Variants in TRIM42 observed in about 807,000 individuals in gnomAD.
TRIM42 encodes the protein tripartite motif containing 42.
Under a neutral mutation model 64.9 loss-of-function variants are expected in TRIM42, and 59 were observed. The ratio of observed to expected loss-of-function variants is 0.91; its 90% CI spans 0.74 to 1.13. The LOEUF is 1.13. Among genes scored for constraint, TRIM42 ranks in the 50% most tolerant of loss-of-function variants. TRIM42 has a pLI of 0.00. For missense variants in TRIM42, 878 were observed against 929.5 expected (o/e 0.94, Z 0.72); for synonymous variants, 354 against 346.3 (o/e 1.02, Z -0.25).
At position 140,680,084 on chromosome 3, in the gene TRIM42, G is replaced by A. The variant is rs185166464; in HGVS notation, c.341+1514G>A. ...CTGATTTTGGGAGACAGAGGGGGCTGTGCAGAGGAGCAGAGACAGGATATC... is the reference window on the plus strand; with the variant it reads ...CTGATTTTGGGAGACAGAGGGGGCTATGCAGAGGAGCAGAGACAGGATATC... On this transcript the variant is annotated intron_variant, in intron 1 of 4. Coordinates refer to ENST00000286349, the MANE Select transcript of TRIM42 (RefSeq NM_152616.5). Among the ~76,000 whole-genome samples, 345 of 152,262 alleles carry A rather than the reference G, an allele frequency of 2.3e-3. 1 individual carries two copies. Among genetic ancestry groups the A allele is most frequent in the Non-Finnish European group, 4.1e-3 (277 of 68,026 alleles).
chr3:140,688,023 G>T lies in TRIM42; in HGVS notation c.1341G>T (p.Lys447Asn). The T allele has an allele frequency of 6.2e-7, 1 of 1,614,210 alleles. No individual in the cohort carries two copies. The change falls in exon 3 of 5, where the codon AAG (lysine) becomes AAT (asparagine). Residue 447 changes from lysine to asparagine, a missense_variant. Transcript: ENST00000286349. ...TGQVAFLQSA[K>N]ILVDQIEDGI... ...AGGTGGCATTCCTGCAGTCAGCCAA[G>T]ATCCTGGTGGACCAGATCGAGGACG...
In TRIM42 at chr3:140,688,602, G is replaced by C; in HGVS notation, c.1860+60G>C. Reference sequence around the variant, plus strand: ...AGGGTGTGGGGCACAGAGTAGAAGTGAGTAGTCAGGAAAGGTTGCACTTAC... The same window carrying C: ...AGGGTGTGGGGCACAGAGTAGAAGTCAGTAGTCAGGAAAGGTTGCACTTAC... On this transcript the variant is annotated intron_variant, in intron 3 of 4. Transcript: ENST00000286349. The C allele has an allele frequency of 2.2e-6, 3 of 1,385,988 alleles. No individual in the cohort carries two copies. The South Asian group carries it at 4.1e-5, about 19-fold the overall frequency. The allele number at this position is 1,385,988 out of a possible 1,614,324, so 85.9% of individuals were successfully genotyped here. A position where few individuals can be genotyped will look rare whatever the true frequency, so the allele number is the denominator to read the frequency against.
At chr3:140,696,464 T>C (rs1332544189) in intron 4 of TRIM42, among the ~76,000 whole-genome samples, 1 of 152,230 alleles carries the variant, frequency 6.6e-6, no homozygotes, top group Non-Finnish European at 1.5e-5. Context: ...CCTCCAATAA[T>C]ACTGCAGTGA....
intron 3 of TRIM42, among the ~76,000 whole-genome samples, chr3:140,690,690 G>A (rs1398835731): frequency 6.6e-6 from 1 of 150,984 alleles, no homozygotes; most frequent in African/African-American, 2.4e-5. Flanking sequence ...CTATTTTTCG[G>A]TATTTTTCAA....
chr3:140,695,394 C>T (rs887824607), intron 4 of TRIM42, among the ~76,000 whole-genome samples: 3 of 152,130 alleles, frequency 2.0e-5, no homozygotes, highest in Admixed American at 6.5e-5. Flanking sequence ...AAGTGGATGT[C>T]CTAGGTTACA....
Position 140,691,072 on chromosome 3 carries a change from A to G in TRIM42, c.1965A>G (p.Gln655=), listed in dbSNP as rs1481148499. ...ACGTACAAATGGAGCTCTGTGGACAAATTCGGGACATAATGCAGCAAAATC... is the reference window on the plus strand; with the variant it reads ...ACGTACAAATGGAGCTCTGTGGACAGATTCGGGACATAATGCAGCAAAATC... ...PNNVQMELCG[Q]IRDIMQQNLE... is the part of the protein sequence containing the mutation. The change falls in exon 4 of 5, where the codon CAA becomes CAG. Residue 655 remains glutamine, a synonymous_variant. Coordinates refer to ENST00000286349, the MANE Select transcript of TRIM42 (RefSeq NM_152616.5). The G allele has an allele frequency of 1.9e-6, 3 of 1,614,144 alleles. No individual in the cohort carries two copies. The highest frequency in any genetic ancestry group is 2.5e-6 in the Non-Finnish European group (3 of 1,180,000).
intron 1 of TRIM42, among the ~76,000 whole-genome samples, chr3:140,679,538 C>T (rs975702837): frequency 6.6e-6 from 1 of 152,204 alleles, no homozygotes; most frequent in Non-Finnish European, 1.5e-5. Context: ...TTGGTGAATT[C>T]AGGGGAAAGA....
intron 2 of TRIM42, 75 bp from the exon 3 acceptor site, chr3:140,687,647 T>C (rs1445607980): frequency 9.1e-7 from 1 of 1,102,652 alleles, no homozygotes; most frequent in Non-Finnish European, 1.3e-6. Context: ...TAGGGTAATT[T>C]GTTCTAGTTT....
At chr3:140,688,602 G>T (rs951130320) in intron 3 of TRIM42, 60 bp downstream of exon 3, 18 of 1,385,870 alleles carry the variant, frequency 1.3e-5, no homozygotes, top group Non-Finnish European at 1.5e-5. Context: ...GAGTAGAAGT[G>T]AGTAGTCAGG....
intron 4 of TRIM42, among the ~76,000 whole-genome samples, chr3:140,699,453 G>C (rs1376508530): frequency 6.6e-6 from 1 of 152,172 alleles, no homozygotes; most frequent in Admixed American, 6.5e-5. Flanking sequence ...GCAGGGAAGA[G>C]ATGTCAACTA....
At chr3:140,679,761 A>G (rs1225480286) in intron 1 of TRIM42, among the ~76,000 whole-genome samples, 2 of 152,114 alleles carry the variant, frequency 1.3e-5, no homozygotes, top group Non-Finnish European at 2.9e-5. Context: ...AGCCCATTTC[A>G]ACAGGAAAGG....
intron 1 of TRIM42, 36 bp downstream of exon 1, chr3:140,678,606 GTC>G: frequency 6.4e-7 from 1 of 1,566,556 alleles, no homozygotes; most frequent in Non-Finnish European, 8.7e-7. Context: ...GCCGCATTGG[GTC>G]ATGAAAACTA....
chr3:140,688,511 A>G lies in TRIM42; in HGVS notation c.1829A>G (p.Tyr610Cys), dbSNP rs1200997752. The G allele has an allele frequency of 3.7e-6, 6 of 1,613,154 alleles. No homozygotes were observed. Among genetic ancestry groups the G allele is most frequent in the Non-Finnish European group, 5.1e-6 (6 of 1,179,540 alleles). The change falls in exon 3 of 5, where the codon TAC (tyrosine) becomes TGC (cysteine). Residue 610 changes from tyrosine (Y) to cysteine (C), a missense_variant. Physicochemically the swap from Tyr to Cys is radical, Grantham distance 194. Transcript: ENST00000286349. ...AAGACCCCAGGCCCAATTGTTATCT[A>G]CCAGACTCTGGTGTACCCAAGAGCT... ...SVKTPGPIVI[Y>C]QTLVYPRAAK... is the part of the protein sequence containing the mutation.
At position 140,687,727 on chromosome 3, in the gene TRIM42, T is replaced by C; in HGVS notation, c.1045T>C (p.Tyr349His). 1 of 1,601,684 alleles carries C rather than the reference T, an allele frequency of 6.2e-7. No homozygotes were observed. The highest frequency in any genetic ancestry group is 1.1e-5 in the South Asian group (1 of 88,488). The change falls in exon 3 of 5, where the codon TAT (tyrosine) becomes CAT (histidine). Residue 349 changes from tyrosine (Y) to histidine (H), a missense_variant. By Grantham distance (83) the Tyr-to-His change is moderately conservative. Coordinates refer to ENST00000286349, the MANE Select transcript of TRIM42 (RefSeq NM_152616.5). ...SAIAKFKAVR[Y>H]EIDNDLMEFN... ...CTAACTTGGCATTTTTGCAGTCCGA[T>C]ATGAAATTGATAATGACCTAATGGA... is the stretch of plus-strand genomic sequence containing the variant.
At chr3:140,688,586 G>A (rs1988626135) in intron 3 of TRIM42, 44 bp downstream of exon 3, 1 of 1,510,618 alleles carries the variant, frequency 6.6e-7, no homozygotes, top group Non-Finnish European at 9.0e-7. Context: ...GAGGGTGTGG[G>A]GCACAGAGTA....
intron 2 of TRIM42, among the ~76,000 whole-genome samples, chr3:140,685,043 G>T (rs940380392): frequency 6.6e-5 from 10 of 152,160 alleles, no homozygotes; most frequent in Non-Finnish European, 2.9e-5. Flanking sequence ...AGGGATAATT[G>T]GTAAATTAGA....
chr3:140,688,292 C>A lies in TRIM42; in HGVS notation c.1610C>A (p.Ser537Tyr). 1 of 1,614,240 alleles carries A rather than the reference C, an allele frequency of 6.2e-7. No individual in the cohort carries two copies. ...LGNQHIYQRS[S>Y]SMLSFSNTDK... ...AACCAGCACATATACCAGCGAAGCT[C>A]CTCCATGTTGTCCTTCAGCAACACT... The change falls in exon 3 of 5, where the codon TCC (serine) becomes TAC (tyrosine). Residue 537 changes from serine to tyrosine, a missense_variant. Coordinates refer to ENST00000286349, the MANE Select transcript of TRIM42 (RefSeq NM_152616.5).
intron 2 of TRIM42, among the ~76,000 whole-genome samples, chr3:140,685,248 G>A (rs1383009546): frequency 6.6e-6 from 1 of 152,144 alleles, no homozygotes; most frequent in Non-Finnish European, 1.5e-5. Flanking sequence ...TGAGAAACTG[G>A]GGGACCTAGG....
chr3:140,694,199 T>C (rs1313985557), intron 4 of TRIM42, among the ~76,000 whole-genome samples: 1 of 152,172 alleles, frequency 6.6e-6, no homozygotes, highest in South Asian at 2.1e-4. Flanking sequence ...GAGCTGAACT[T>C]TTATTTTTTG....
Sources: gnomAD v4.1 joint callset for allele counts (sites outside exome capture counted in the v4.1 genomes callset) on GRCh38, gnomAD v4.1.1 for gene constraint, MANE v1.5 for transcripts, NCBI Gene and HGNC (gene_info 2026-07-23, HGNC 2026-07-21) for gene names.